AGPAT3: variants seen among roughly 807,000 people sequenced by gnomAD.
The protein encoded by AGPAT3 is 1-acylglycerol-3-phosphate O-acyltransferase 3.
In AGPAT3, 5 loss-of-function variants were observed where a neutral mutation model predicts 47.3. The observed-to-expected ratio is 0.11, with a 90% CI of 0.06 to 0.22. AGPAT3 has a LOEUF of 0.22. Ranked by LOEUF, AGPAT3 falls within the 10% of genes least tolerant of loss-of-function variation. The pLI is 1.00. For missense variants in AGPAT3, 315 were observed against 493.0 expected (o/e 0.64, Z 3.42); for synonymous variants, 212 against 208.3 (o/e 1.02, Z -0.15).
At position 43,880,041 on chromosome 21, in the gene AGPAT3, G is replaced by A. The variant is rs2085822747; in HGVS notation, c.-112+14696G>A. Among the ~76,000 whole-genome samples, 2 of 152,218 alleles carry A rather than the reference G, an allele frequency of 1.3e-5. No individual in the cohort carries two copies. The highest frequency in any genetic ancestry group is 4.8e-5 in the African/African-American group (2 of 41,452). ...TTGAAGAACAGGGCAGCATGACTCCGGGGCGGAGGACGCAGCCCTGCATCC... is the reference window on the plus strand; with the variant it reads ...TTGAAGAACAGGGCAGCATGACTCCAGGGCGGAGGACGCAGCCCTGCATCC... On this transcript the variant is annotated intron_variant, in intron 1 of 9. Transcript: ENST00000291572. This position sits in a 1 kb window ranked among gnomAD's most constrained non-coding sequence, Gnocchi z 4.5.
In AGPAT3 at chr21:43,981,773, C is replaced by G. The variant is rs1305117040; in HGVS notation, c.1043-531C>G. 6.6e-6 allele frequency among the ~76,000 whole-genome samples: 1 copy of G among 152,056 alleles called. No homozygotes were observed. Among genetic ancestry groups the G allele is most frequent in the Non-Finnish European group, 1.5e-5 (1 of 67,984 alleles). ...TGTGCATCGCCCCGTGAGCCGACTC[C>G]CCAGGCCCAGCAGCTGGGCCAGCTC... On this transcript the variant is annotated intron_variant, in intron 9 of 9. Transcript: ENST00000291572. This position sits in a 1 kb window ranked among gnomAD's most constrained non-coding sequence, Gnocchi z 5.3.
At chr21:43,959,935 G>A (rs903868040) in intron 3 of AGPAT3, 76 bp downstream of exon 3, 81 of 1,466,228 alleles carry the variant, frequency 5.5e-5, no homozygotes, top group African/African-American at 2.4e-4. Context: ...CGGGGCAGCC[G>A]TGGGCTCTCA....
At chr21:43,963,577 G>T (rs2088978804) in intron 3 of AGPAT3, among the ~76,000 whole-genome samples, 1 of 151,998 alleles carries the variant, frequency 6.6e-6, no homozygotes, top group African/African-American at 2.4e-5. Context: ...GGGCCTGGTG[G>T]CACATGTCTA....
At chr21:43,910,225 G>C (rs992518551) in intron 2 of AGPAT3, among the ~76,000 whole-genome samples, 1 of 152,208 alleles carries the variant, frequency 6.6e-6, no homozygotes, top group East Asian at 1.9e-4. Context: ...GTTCAGCCCT[G>C]ATGGCAGCCA....
At position 43,984,825 on chromosome 21, in the gene AGPAT3, T is replaced by G. The variant is rs2030095006; in HGVS notation, c.*2433T>G. The G allele has an allele frequency of 3.8e-6, 1 of 260,410 alleles. No individual in the cohort carries two copies. Among genetic ancestry groups the G allele is most frequent in the Non-Finnish European group, 7.7e-6 (1 of 129,056 alleles). 16.1% of individuals were successfully genotyped at this position (260,410 alleles called of 1,614,324 possible). A position where few individuals can be genotyped will look rare whatever the true frequency, so the allele number is the denominator to read the frequency against. On this transcript the variant is annotated 3_prime_UTR_variant, in exon 10 of 10. Coordinates refer to ENST00000291572, the MANE Select transcript of AGPAT3 (RefSeq NM_020132.5). ...TTCTTTTTCCTTTACACCCTACTTC[T>G]GAGCTTAATTCAGTTGATGTTATGT...
At chr21:43,882,055 T>C (rs2085865066) in intron 1 of AGPAT3, among the ~76,000 whole-genome samples, 1 of 152,272 alleles carries the variant, frequency 6.6e-6, no homozygotes, top group Non-Finnish European at 1.5e-5. Flanking sequence ...TCACGTGTGT[T>C]TGCCATGTTG....
rs762233807 is a variant in AGPAT3, at chr21:43,986,113, A to G, written c.*3721A>G. 5 of 152,244 alleles carry G rather than the reference A, an allele frequency of 3.3e-5. No individual in the cohort carries two copies. The highest frequency in any genetic ancestry group is 4.8e-5 in the African/African-American group (2 of 41,458). 9.4% of individuals were successfully genotyped at this position (152,244 alleles called of 1,614,324 possible). A position where few individuals can be genotyped will look rare whatever the true frequency, so the allele number is the denominator to read the frequency against. ...GACATCCGGCTCCGTATTCCTGCCTATCGGGGCCAGGATGCAAAAACAATT... is the reference window on the plus strand; with the variant it reads ...GACATCCGGCTCCGTATTCCTGCCTGTCGGGGCCAGGATGCAAAAACAATT... On this transcript the variant is annotated 3_prime_UTR_variant, in exon 10 of 10. Coordinates refer to ENST00000291572, the MANE Select transcript of AGPAT3 (RefSeq NM_020132.5).
At position 43,933,683 on chromosome 21, in the gene AGPAT3, A is replaced by C. The variant is rs1325882351; in HGVS notation, c.-48-25951A>C. 1.3e-5 allele frequency among the ~76,000 whole-genome samples: 2 copies of C among 151,888 alleles called. No individual in the cohort carries two copies. The highest frequency in any genetic ancestry group is 3.9e-4 in the East Asian group (2 of 5,184). On this transcript the variant is annotated intron_variant, in intron 2 of 9. Coordinates refer to ENST00000291572, the MANE Select transcript of AGPAT3 (RefSeq NM_020132.5). The surrounding 1 kb of genome is among the most constrained non-coding windows in gnomAD (Gnocchi z 6.0). ...TCCAGTAGTCTCGGCATGTAGCAGCAAATGTGGGAGGGGCAGCACAGGGGA... is the reference window on the plus strand; with the variant it reads ...TCCAGTAGTCTCGGCATGTAGCAGCCAATGTGGGAGGGGCAGCACAGGGGA...
chr21:43,935,091 G>C (rs1047745001), intron 2 of AGPAT3, among the ~76,000 whole-genome samples: 1 of 152,174 alleles, frequency 6.6e-6, no homozygotes, highest in Admixed American at 6.5e-5. Context: ...AGGCTGGACA[G>C]GGGGGGCTTC....
intron 4 of AGPAT3, 99 bp downstream of exon 4, chr21:43,968,214 T>A: frequency 8.1e-6 from 4 of 496,856 alleles, no homozygotes; most frequent in Non-Finnish European, 1.2e-5. Context: ...GAGCAGGGGG[T>A]CCCTGCAGGG....
rs3788082 is a variant in AGPAT3, at chr21:43,934,308, G to A, written c.-48-25326G>A. The stretch of plus-strand genomic sequence containing the variant: ...GTGCCTGTCCCCACCTCCCAAGGGC[G>A]GAAGGAGGGGCCTCCAGGCCTCGTC... On this transcript the variant is annotated intron_variant, in intron 2 of 9. Transcript: ENST00000291572. The surrounding 1 kb of genome is among the most constrained non-coding windows in gnomAD (Gnocchi z 4.7). Among the ~76,000 whole-genome samples the A allele has an allele frequency of 0.27, 41,673 of 152,218 alleles. 6,166 individuals are homozygous for A. Among genetic ancestry groups the A allele is most frequent in the South Asian group, 0.35 (1,665 of 4,824 alleles).
chr21:43,928,046 C>T (rs1039480792), intron 2 of AGPAT3, among the ~76,000 whole-genome samples: 2 of 152,364 alleles, frequency 1.3e-5, no homozygotes, highest in African/African-American at 2.4e-5. Context: ...GCTGACGTGG[C>T]ACCTGCTGCC....
rs1164272255 is a variant in AGPAT3, at chr21:43,978,138, C to G, written c.843+17C>G. On this transcript the variant is annotated intron_variant, in intron 8 of 9. Coordinates refer to ENST00000291572, the MANE Select transcript of AGPAT3 (RefSeq NM_020132.5). ...CAGGAGAAGGTAAGCAGGCTCTGCTCCCGCTCAGGGTCCCGGTCTCCTGAA... is the reference window on the plus strand; with the variant it reads ...CAGGAGAAGGTAAGCAGGCTCTGCTGCCGCTCAGGGTCCCGGTCTCCTGAA... The G allele has an allele frequency of 6.2e-7, 1 of 1,610,178 alleles. No individual in the cohort carries two copies. The highest frequency in any genetic ancestry group is 1.7e-5 in the Admixed American group (1 of 59,852).
In AGPAT3 at chr21:43,971,480, A is replaced by G; in HGVS notation, c.757A>G (p.Met253Val). 6.2e-7 allele frequency: 1 copy of G among 1,614,194 alleles called. No homozygotes were observed. Among genetic ancestry groups the G allele is most frequent in the Non-Finnish European group, 8.5e-7 (1 of 1,180,004 alleles). ...CTACGGGAAGAAGTACGAGGCGGAC[A>G]TGTGCGTGAGGTGAGGCCAGACCCT... ...ILYGKKYEAD[M>V]CVRRFPLEDI... The change falls in exon 7 of 10, where the codon ATG becomes GTG. Residue 253 changes from methionine (M) to valine (V), a missense_variant. Transcript: ENST00000291572.
Position 43,981,319 on chromosome 21 carries a change from G to A in AGPAT3, c.1042+132G>A. 2.0e-6 allele frequency: 2 copies of A among 1,012,440 alleles called. No homozygotes were observed. Among genetic ancestry groups the A allele is most frequent in the Non-Finnish European group, 3.0e-6 (2 of 673,530 alleles). 62.7% of individuals were successfully genotyped at this position (1,012,440 alleles called of 1,614,324 possible). ...CTGGCTGTTATGGACCCTGGAGCCA[G>A]GATCCCCCCACGGCCTGCGGGCCTC... On this transcript the variant is annotated intron_variant, in intron 9 of 9. Transcript: ENST00000291572. The surrounding 1 kb of genome is among the most constrained non-coding windows in gnomAD (Gnocchi z 5.3).
chr21:43,909,008 C>T (rs2146076416), intron 2 of AGPAT3, among the ~76,000 whole-genome samples: 1 of 152,322 alleles, frequency 6.6e-6, no homozygotes, highest in Admixed American at 6.5e-5. Flanking sequence ...TGGGAAAAAC[C>T]CTGAGAGCAG....
intron 2 of AGPAT3, among the ~76,000 whole-genome samples, chr21:43,949,241 T>A (rs1046292588): frequency 6.6e-6 from 1 of 152,220 alleles, no homozygotes; most frequent in African/African-American, 2.4e-5. Flanking sequence ...TCAAAATGTA[T>A]CAATTTAAAA....
chr21:43,865,468 C>A (rs997142708), intron 1 of AGPAT3, 123 bp downstream of exon 1: 1 of 146,880 alleles, frequency 6.8e-6, no homozygotes, highest in African/African-American at 2.4e-5. Flanking sequence ...GACCTCGGGC[C>A]GCCCGGGGCC....
chr21:43,942,029 A>G (rs1459993254), intron 2 of AGPAT3, among the ~76,000 whole-genome samples: 1 of 152,216 alleles, frequency 6.6e-6, no homozygotes, highest in Non-Finnish European at 1.5e-5. Context: ...AGCGTTTCCA[A>G]GGATGTGCAT....
Sources: allele counts gnomAD v4.1 joint callset (sites outside exome capture counted in the v4.1 genomes callset), GRCh38; gene constraint gnomAD v4.1.1; non-coding constraint Gnocchi (gnomAD v3.1); transcripts MANE v1.5; gene names NCBI Gene and HGNC (gene_info 2026-07-23, HGNC 2026-07-21).